ANGEL2: variants seen among roughly 807,000 people sequenced by gnomAD.
The protein encoded by ANGEL2 is RNA 2',3'-cyclic phosphatase ANGEL2.
In ANGEL2, 41 loss-of-function variants were observed where a neutral mutation model predicts 66.0. That is an observed-to-expected ratio of 0.62 (90% CI 0.48 to 0.81). ANGEL2 has a LOEUF of 0.81. Ranked by LOEUF, ANGEL2 falls within the 30% of genes least tolerant of loss-of-function variation. The pLI, the probability that ANGEL2 is intolerant of heterozygous loss-of-function variation, is 0.00. For missense variants in ANGEL2, 561 were observed against 641.6 expected (o/e 0.87, Z 1.36); for synonymous variants, 208 against 226.5 (o/e 0.92, Z 0.73).
At chr1:213,002,064 A>C (rs1369389328) in intron 5 of ANGEL2, 1 of 152,774 alleles carries the variant, frequency 6.5e-6, no homozygotes, top group Non-Finnish European at 1.5e-5. Flanking sequence ...TAGGATGCTG[A>C]ATCCTTTGCA....
intron 5 of ANGEL2, among the ~76,000 whole-genome samples, chr1:213,004,298 GGA>G (rs2076257820): frequency 6.6e-6 from 1 of 152,102 alleles, no homozygotes; most frequent in Admixed American, 6.5e-5. Context: ...TCTAAAGTAA[GGA>G]GAGGAAAGCA....
chr1:212,995,846 T>A lies in ANGEL2; in HGVS notation c.1484-654A>T, dbSNP rs2075979501. Among the ~76,000 whole-genome samples, 5 of 151,174 alleles carry A rather than the reference T, an allele frequency of 3.3e-5. No individual in the cohort carries two copies. In the South Asian group the frequency reaches 1.0e-3, roughly 32 times the overall value. The stretch of plus-strand genomic sequence containing the variant: ...GGGGAACAAACAGAGGGGAAAAGGG[T>A]AAAGAAAAAGAAGCATCCAAAAAAA... On this transcript the variant is annotated intron_variant, in intron 8 of 8. Transcript: ENST00000366962.
rs1001989189 is a variant in ANGEL2 at position 212,993,839 on chromosome 1, A to T, written c.*1202T>A. On this transcript the variant is annotated 3_prime_UTR_variant, in exon 9 of 9. Transcript: ENST00000366962. ...TAATATCTCCCCACTAGAGTTTTAC[A>T]GGCTTCCTCATATTTCTGAGGCTTA... 1.3e-5 allele frequency: 2 copies of T among 152,222 alleles called. No individual in the cohort carries two copies. Among genetic ancestry groups the T allele is most frequent in the Admixed American group, 6.5e-5 (1 of 15,282 alleles). 9.4% of individuals were successfully genotyped at this position (152,222 alleles called of 1,614,324 possible).
chr1:212,998,487 ACT>A (rs1291102349), intron 7 of ANGEL2, among the ~76,000 whole-genome samples: 1 of 149,984 alleles, frequency 6.7e-6, no homozygotes, highest in Non-Finnish European at 1.5e-5. Context: ...GCATATAAAC[ACT>A]CTGTATTTAC....
chr1:212,995,370 T>A (rs1457777988), intron 8 of ANGEL2, among the ~76,000 whole-genome samples, 178 bp from the exon 9 acceptor site: 1 of 152,256 alleles, frequency 6.6e-6, no homozygotes, highest in Non-Finnish European at 1.5e-5. Context: ...ATTATAATTA[T>A]CAAACACACA....
chr1:213,011,089 A>T, intron 2 of ANGEL2: 1 of 1,057,446 alleles, frequency 9.5e-7, no homozygotes, highest in Non-Finnish European at 1.3e-6. Flanking sequence ...AAACTTACAG[A>T]AATGTGTTCA....
chr1:213,008,887 T>C (rs77810385), intron 2 of ANGEL2, among the ~76,000 whole-genome samples: 7,107 of 152,328 alleles, frequency 0.047, 284 homozygotes, highest in African/African-American at 0.11. Context: ...TGTATTTTAT[T>C]CCCTATTAGT....
chr1:213,001,168 T>C (rs1215231920), intron 5 of ANGEL2: 6 of 414,708 alleles, frequency 1.4e-5, no homozygotes, highest in East Asian at 5.7e-5. Flanking sequence ...AAATCATCTA[T>C]CGCTTTGAAC....
At chr1:212,996,391 C>T (rs942667715) in intron 8 of ANGEL2, among the ~76,000 whole-genome samples, 1 of 151,180 alleles carries the variant, frequency 6.6e-6, no homozygotes, top group African/African-American at 2.4e-5. Flanking sequence ...CCTGGGAGGC[C>T]GAGGTGGACG....
At position 213,013,120 on chromosome 1, in the gene ANGEL2, G is replaced by A. The variant is rs770546728; in HGVS notation, c.358C>T (p.Pro120Ser). The A allele has an allele frequency of 5.6e-6, 9 of 1,613,768 alleles. No individual in the cohort carries two copies. The African/African-American group carries it at 6.7e-5, about 12-fold the overall frequency. ...SYVMNAEGDE[P>S]SSKRRKHQGV... ...TGGTGTTTTCTTCGTTTTGATGAAG[G>A]CTCATCTCCCTCAGCGTTCATGACG... Residue 120 changes from proline to serine, a missense_variant, in exon 2 of 9, where the codon CCT becomes TCT. Transcript: ENST00000366962.
intron 2 of ANGEL2, among the ~76,000 whole-genome samples, chr1:213,011,850 G>A (rs192293410): frequency 6.6e-6 from 1 of 152,298 alleles, no homozygotes; most frequent in East Asian, 1.9e-4. Context: ...ATTTTTATGA[G>A]TGAAAAGCAA....
chr1:213,008,427 T>C lies in ANGEL2; in HGVS notation c.425A>G (p.Asp142Gly), dbSNP rs747615430. 6 of 1,614,102 alleles carry C rather than the reference T, an allele frequency of 3.7e-6. No homozygotes were observed. The highest frequency in any genetic ancestry group is 5.1e-6 in the Non-Finnish European group (6 of 1,179,994). ...TCCTAGGATCTTCGTTTTTTCTTTA[T>C]CATGGCTACATATATATTCCCAATT... ...KRNWEYICSH[D>G]KEKTKILGDK... Residue 142 changes from aspartate (D) to glycine (G), a missense_variant, in exon 3 of 9, where the codon GAT becomes GGT. Transcript: ENST00000366962.
chr1:213,010,571 CAAAAA>C (rs11339532), intron 2 of ANGEL2, among the ~76,000 whole-genome samples: 3 of 110,950 alleles, frequency 2.7e-5, no homozygotes, highest in South Asian at 2.7e-4. Flanking sequence ...GCCTTCGTCT[CAAAAA>C]AAAAAAAAAA....
rs994070817 is a variant in ANGEL2 at position 212,995,769 on chromosome 1, A to G, written c.1484-577T>C. Among the ~76,000 whole-genome samples the G allele has an allele frequency of 4.6e-5, 7 of 152,278 alleles. No homozygotes were observed. The East Asian group carries it at 1.2e-3, about 25-fold the overall frequency. ...TTGTAGAGTAGATCTAGTGGCAGGA[A>G]TAAGTCATCTCGTGAGTGTTACTAA... On this transcript the variant is annotated intron_variant, in intron 8 of 8. Coordinates refer to ENST00000366962, the MANE Select transcript of ANGEL2 (RefSeq NM_144567.5).
At chr1:213,010,821 A>C (rs1377625779) in intron 2 of ANGEL2, among the ~76,000 whole-genome samples, 1 of 152,264 alleles carries the variant, frequency 6.6e-6, no homozygotes, top group Non-Finnish European at 1.5e-5. Context: ...ATGTACATGT[A>C]ATGGCATATA....
rs1284534647 is a variant in ANGEL2, at chr1:212,992,686, A to G, written c.*2355T>C. 6.6e-6 allele frequency: 1 copy of G among 152,244 alleles called. No individual in the cohort carries two copies. The highest frequency in any genetic ancestry group is 2.4e-5 in the African/African-American group (1 of 41,462). 9.4% of individuals were successfully genotyped at this position (152,244 alleles called of 1,614,324 possible). A position where few individuals can be genotyped will look rare whatever the true frequency, so the allele number is the denominator to read the frequency against. ...AGCAATTTTATGGATTAACTCTATCAAAGTGAAGCACATGAAAAATGGGCC... is the reference window on the plus strand; with the variant it reads ...AGCAATTTTATGGATTAACTCTATCGAAGTGAAGCACATGAAAAATGGGCC... On this transcript the variant is annotated 3_prime_UTR_variant, in exon 9 of 9. Coordinates refer to ENST00000366962, the MANE Select transcript of ANGEL2 (RefSeq NM_144567.5).
At chr1:213,004,885 A>G (rs1408026487) in intron 5 of ANGEL2, 148 bp downstream of exon 5, 4 of 611,068 alleles carry the variant, frequency 6.5e-6, no homozygotes, top group East Asian at 6.4e-5. Flanking sequence ...AAAAAAAAAA[A>G]AAAAAAAGTC....
At chr1:213,006,234 G>A in intron 4 of ANGEL2, among the ~76,000 whole-genome samples, 1 of 152,088 alleles carries the variant, frequency 6.6e-6, no homozygotes. Flanking sequence ...GGCCAAGGCA[G>A]GCGGATCACG....
intron 4 of ANGEL2, 42 bp downstream of exon 4, chr1:213,007,085 CCT>C: frequency 6.6e-7 from 1 of 1,517,958 alleles, no homozygotes; most frequent in Non-Finnish European, 9.0e-7. Context: ...AGAGTGAGAC[CCT>C]GTCTCAAAAA....
Sources: gnomAD v4.1 joint callset for allele counts (sites outside exome capture counted in the v4.1 genomes callset) on GRCh38, gnomAD v4.1.1 for gene constraint, MANE v1.5 for transcripts, NCBI Gene and HGNC (gene_info 2026-07-23, HGNC 2026-07-21) for gene names.